ZNF610: variants seen among roughly 807,000 people sequenced by gnomAD.
ZNF610 encodes zinc finger protein 610, also known as zink finger protein.
A neutral mutation model predicts 14.1 loss-of-function variants in ZNF610; 14 were observed. The ratio of observed to expected loss-of-function variants is 0.99; its 90% CI spans 0.65 to 1.55. The LOEUF (loss-of-function observed/expected upper bound fraction) is 1.55, where lower values mean the gene tolerates loss of function less well. Ranked by LOEUF, ZNF610 falls within the 40% of genes most tolerant of loss-of-function variation. The probability of loss-of-function intolerance (pLI) is 0.00; values close to 1 mark genes in which losing one functional copy is unlikely to be tolerated. For synonymous variants in ZNF610, 185 were observed against 187.6 expected (o/e 0.99, Z 0.11); for missense variants, 530 against 558.0 (o/e 0.95, Z 0.51).
At chr19:52,337,584 A>G (rs1442781289) in intron 1 of ZNF610, among the ~76,000 whole-genome samples, 1 of 151,700 alleles carries the variant, frequency 6.6e-6, no homozygotes, top group Non-Finnish European at 1.5e-5. Flanking sequence ...AAATGAAGTG[A>G]AAAAAAGCAG....
chr19:52,337,146 G>A (rs1984423848), intron 1 of ZNF610, among the ~76,000 whole-genome samples: 2 of 152,118 alleles, frequency 1.3e-5, no homozygotes, highest in East Asian at 3.9e-4. Context: ...AGCAAGATTG[G>A]GAGAGGGGCA....
chr19:52,360,308 C>T (rs1489606667), intron 5 of ZNF610, among the ~76,000 whole-genome samples: 2 of 152,162 alleles, frequency 1.3e-5, no homozygotes, highest in Non-Finnish European at 2.9e-5. Context: ...AACACTATAA[C>T]AGAAGACTGT....
At chr19:52,343,064 G>A (rs935156475) in intron 1 of ZNF610, among the ~76,000 whole-genome samples, 7 of 151,942 alleles carry the variant, frequency 4.6e-5, no homozygotes, top group African/African-American at 1.2e-4. Flanking sequence ...CTCTGCTGGG[G>A]CATCCACAGG....
At chr19:52,349,467 T>C (rs781479037) in intron 3 of ZNF610, among the ~76,000 whole-genome samples, 75 of 151,818 alleles carry the variant, frequency 4.9e-4, no homozygotes, top group Non-Finnish European at 8.7e-4. Context: ...GAGGGTCCCG[T>C]GGTGTCAGTG....
At position 52,365,748 on chromosome 19, in the gene ZNF610, C is replaced by A; in HGVS notation, c.370C>A (p.Gln124Lys). 6.2e-7 allele frequency: 1 copy of A among 1,611,702 alleles called. No individual in the cohort carries two copies. The highest frequency in any genetic ancestry group is 1.1e-5 in the South Asian group (1 of 90,324). Residue 124 changes from glutamine (Q) to lysine (K), a missense_variant, in exon 6 of 6, where the codon CAA becomes AAA. By Grantham distance (53) the Gln-to-Lys change is moderately conservative. Coordinates refer to ENST00000403906, the MANE Select transcript of ZNF610 (RefSeq NM_001161425.2). Reference protein sequence around the residue: ...SNAENKPIKNQLGLTLEAHLS... With the variant: ...SNAENKPIKNKLGLTLEAHLS... ...TGCAGAAAACAAGCCTATTAAAAATCAACTTGGATTAACCCTTGAGGCACA... is the reference window on the plus strand; with the variant it reads ...TGCAGAAAACAAGCCTATTAAAAATAAACTTGGATTAACCCTTGAGGCACA...
At chr19:52,355,639 T>G (rs2122245275) in intron 5 of ZNF610, among the ~76,000 whole-genome samples, 1 of 152,316 alleles carries the variant, frequency 6.6e-6, no homozygotes, top group African/African-American at 2.4e-5. Flanking sequence ...CACTTGTTAG[T>G]AGTAGATTGT....
In ZNF610 at chr19:52,354,323, A is replaced by C; in HGVS notation, c.263A>C (p.Gln88Pro). 1 of 1,614,190 alleles carries C rather than the reference A, an allele frequency of 6.2e-7. No homozygotes were observed. The highest frequency in any genetic ancestry group is 1.1e-5 in the South Asian group (1 of 91,092). Reference sequence around the variant, plus strand: ...AGAGAGCCCTTGATTCTGCAAAGTCAAGTTAAAATAGTAAAAAATACAGAT... The same window carrying C: ...AGAGAGCCCTTGATTCTGCAAAGTCCAGTTAAAATAGTAAAAAATACAGAT... ...QRREPLILQS[Q>P]VKIVKNTDGR... is the part of the protein sequence containing the mutation. Residue 88 changes from glutamine to proline, a missense_variant, in exon 5 of 6, where the codon CAA becomes CCA. Physicochemically the swap from Gln to Pro is moderately conservative, Grantham distance 76 (BLOSUM62 -1). Transcript: ENST00000403906.
chr19:52,366,699 C>T lies in ZNF610; in HGVS notation c.1321C>T (p.Pro441Ser), dbSNP rs934824680. ...NACGKVFNQN[P>S]HLSRHRKIHA... ...ATGTGGCAAGGTCTTCAATCAAAAT[C>T]CACACCTTTCACGACATCGGAAAAT... Residue 441 changes from proline to serine, a missense_variant, in exon 6 of 6, where the codon CCA becomes TCA. Physicochemically the swap from Pro to Ser is moderately conservative, Grantham distance 74 (BLOSUM62 -1). Transcript: ENST00000403906. The T allele has an allele frequency of 1.2e-6, 2 of 1,614,224 alleles. No homozygotes were observed. The highest frequency in any genetic ancestry group is 2.7e-5 in the African/African-American group (2 of 75,062).
chr19:52,366,264 G>A lies in ZNF610; in HGVS notation c.886G>A (p.Ala296Thr). The A allele has an allele frequency of 1.9e-6, 3 of 1,613,312 alleles. No individual in the cohort carries two copies. Among genetic ancestry groups the A allele is most frequent in the Non-Finnish European group, 2.5e-6 (3 of 1,179,414 alleles). Residue 296 changes from alanine to threonine, a missense_variant, in exon 6 of 6, where the codon GCT (alanine) becomes ACT (threonine). By Grantham distance (58) the Ala-to-Thr change is moderately conservative. Coordinates refer to ENST00000403906, the MANE Select transcript of ZNF610 (RefSeq NM_001161425.2). ...KPHKCNECGK[A>T]FRECSGLTTH... ...TCACAAATGTAACGAATGTGGCAAA[G>A]CTTTTAGAGAGTGTTCGGGACTTAC...
intron 5 of ZNF610, among the ~76,000 whole-genome samples, chr19:52,356,629 T>G (rs1985533820): frequency 6.6e-6 from 1 of 152,198 alleles, no homozygotes; most frequent in African/African-American, 2.4e-5. Context: ...CAGAAATTTT[T>G]GAATAGGAGT....
intron 1 of ZNF610, among the ~76,000 whole-genome samples, chr19:52,341,835 G>A (rs1177739446): frequency 1.3e-5 from 2 of 151,300 alleles, no homozygotes; most frequent in African/African-American, 2.4e-5. Flanking sequence ...TTGAGACAGG[G>A]TCTTGCTCCC....
At chr19:52,348,802 G>A (rs1985090810) in intron 2 of ZNF610, among the ~76,000 whole-genome samples, 1 of 152,100 alleles carries the variant, frequency 6.6e-6, no homozygotes, top group Non-Finnish European at 1.5e-5. Flanking sequence ...CTCCATTTCT[G>A]AGGGCTTACA....
chr19:52,364,015 G>A (rs747999153), intron 5 of ZNF610, among the ~76,000 whole-genome samples: 4 of 152,058 alleles, frequency 2.6e-5, no homozygotes, highest in Non-Finnish European at 5.9e-5. Context: ...GTGTATGTTT[G>A]TAGATTTTCC....
At chr19:52,354,614 C>T (rs931498687) in intron 5 of ZNF610, among the ~76,000 whole-genome samples, 10 of 145,812 alleles carry the variant, frequency 6.9e-5, no homozygotes, top group South Asian at 2.2e-4. Flanking sequence ...TGTCTCACTC[C>T]GTTGCCCAGG....
chr19:52,345,922 T>C (rs917201635), intron 1 of ZNF610, among the ~76,000 whole-genome samples: 3 of 151,006 alleles, frequency 2.0e-5, no homozygotes, highest in Non-Finnish European at 4.4e-5. Context: ...GCCAGGATGG[T>C]CTCGATCTCC....
upstream of ZNF610, among the ~76,000 whole-genome samples, chr19:52,331,318 G>A (rs1172448601): frequency 6.6e-6 from 1 of 152,254 alleles, no homozygotes; most frequent in Admixed American, 6.5e-5. Context: ...CAATAGAGTG[G>A]CAGTCCCCAA....
At chr19:52,363,233 G>A (rs996982299) in intron 5 of ZNF610, among the ~76,000 whole-genome samples, 9 of 151,564 alleles carry the variant, frequency 5.9e-5, no homozygotes, top group African/African-American at 1.9e-4. Flanking sequence ...AGGTTCAAGC[G>A]ATTCTTATGC....
upstream of ZNF610, among the ~76,000 whole-genome samples, chr19:52,332,408 C>A (rs1984235430): frequency 6.6e-6 from 1 of 152,198 alleles, no homozygotes; most frequent in Non-Finnish European, 1.5e-5. The surrounding 1 kb of genome is among the most constrained non-coding windows in gnomAD (Gnocchi z 4.1). Context: ...AAAGTTGATT[C>A]TTCAGTTTTT....
Position 52,365,985 on chromosome 19 carries a change from G to A in ZNF610, c.607G>A (p.Glu203Lys). The stretch of plus-strand genomic sequence containing the variant: ...AGCATACATTAGAGGAAAATCTTAT[G>A]AATATGAATGTAGTGAAGATGGTGA... Reference protein sequence around the residue: ...EKAYIRGKSYEYECSEDGEVF... With the variant: ...EKAYIRGKSYKYECSEDGEVF... Residue 203 changes from glutamate to lysine, a missense_variant, in exon 6 of 6, where the codon GAA becomes AAA. Physicochemically the swap from Glu to Lys is moderately conservative, Grantham distance 56. Transcript: ENST00000403906. 1 of 1,614,076 alleles carries A rather than the reference G, an allele frequency of 6.2e-7. No homozygotes were observed. The highest frequency in any genetic ancestry group is 8.5e-7 in the Non-Finnish European group (1 of 1,180,032).
Sources: gnomAD v4.1 joint callset for allele counts (sites outside exome capture counted in the v4.1 genomes callset) on GRCh38, gnomAD v4.1.1 for gene constraint, Gnocchi (gnomAD v3.1) non-coding constraint, MANE v1.5 for transcripts, NCBI Gene and HGNC (gene_info 2026-07-23, HGNC 2026-07-21) for gene names.